Variants in AS3MT observed in about 807,000 individuals in gnomAD.
AS3MT encodes the protein S-adenosyl-L-methionine:arsenic(III) methyltransferase.
A neutral mutation model predicts 45.3 loss-of-function variants in AS3MT; 47 were observed. The ratio of observed to expected loss-of-function variants is 1.04; its 90% CI spans 0.82 to 1.32. AS3MT has a LOEUF of 1.32. Among genes scored for constraint, AS3MT ranks in the 40% most tolerant of loss-of-function variants. AS3MT has a pLI of 0.00. For missense variants in AS3MT, 396 were observed against 451.1 expected, an observed-to-expected ratio of 0.88 and a Z score of 1.11; for synonymous variants, 141 against 152.8, an observed-to-expected ratio of 0.92 and a Z score of 0.57.
chr10:102,888,668 G>T (rs916864805), intron 9 of AS3MT, among the ~76,000 whole-genome samples: 1 of 151,484 alleles, frequency 6.6e-6, no homozygotes, highest in Non-Finnish European at 1.5e-5. Context: ...TGATCCACTC[G>T]CCCTGGCCTA....
intron 9 of AS3MT, among the ~76,000 whole-genome samples, chr10:102,880,345 T>TA (rs1331504842): frequency 6.6e-6 from 1 of 152,186 alleles, no homozygotes; most frequent in Non-Finnish European, 1.5e-5. Context: ...TATTGAAGCA[T>TA]AAATTGTGGT....
At position 102,874,779 on chromosome 10, in the gene AS3MT, A is replaced by G. The variant is rs1189594935; in HGVS notation, c.528+118A>G. On this transcript the variant is annotated intron_variant, in intron 6 of 10. Coordinates refer to ENST00000369880, the MANE Select transcript of AS3MT (RefSeq NM_020682.4). Reference sequence around the variant, plus strand: ...CTCTCTTAATTTATCCATTAAATGAATAAGGGGTGGCAAAAGGGGGAAGGG... The same window carrying G: ...CTCTCTTAATTTATCCATTAAATGAGTAAGGGGTGGCAAAAGGGGGAAGGG... 1.0e-5 allele frequency: 8 copies of G among 786,748 alleles called. No homozygotes were observed. In the African/African-American group the frequency reaches 1.4e-4, roughly 14 times the overall value. 48.7% of individuals were successfully genotyped at this position (786,748 alleles called of 1,614,324 possible).
chr10:102,881,780 T>C lies in AS3MT; in HGVS notation c.885+2789T>C, dbSNP rs1438435414. On this transcript the variant is annotated intron_variant, in intron 9 of 10. Transcript: ENST00000369880. The surrounding 1 kb of genome is among the most constrained non-coding windows in gnomAD (Gnocchi z 4.2). ...AGACAAAGTCTCTCTCTGTCACCCA[T>C]GCTGGAGTGTAGTGGCACAGTCATA... 6.6e-6 allele frequency among the ~76,000 whole-genome samples: 1 copy of C among 152,150 alleles called. No individual in the cohort carries two copies. The highest frequency in any genetic ancestry group is 1.9e-4 in the East Asian group (1 of 5,200).
At chr10:102,878,086 C>T (rs1480005401) in intron 7 of AS3MT, among the ~76,000 whole-genome samples, 2 of 152,046 alleles carry the variant, frequency 1.3e-5, no homozygotes, top group Admixed American at 6.6e-5. Context: ...ATTCACATAA[C>T]AGTGCTTTTC....
chr10:102,895,017 G>A (rs184486658), intron 10 of AS3MT, among the ~76,000 whole-genome samples: 3 of 152,274 alleles, frequency 2.0e-5, no homozygotes, highest in Admixed American at 2.0e-4. Flanking sequence ...CTGTGTCACA[G>A]GCCATTGGTC....
chr10:102,881,126 C>A lies in AS3MT; in HGVS notation c.885+2135C>A, dbSNP rs1200401194. On this transcript the variant is annotated intron_variant, in intron 9 of 10. Coordinates refer to ENST00000369880, the MANE Select transcript of AS3MT (RefSeq NM_020682.4). The surrounding 1 kb of genome is among the most constrained non-coding windows in gnomAD (Gnocchi z 4.2). ...CAAATTCTCATTCTGGGCAGTCATTCGTTTCATCCTATGAATGCCATGGTG... is the reference window on the plus strand; with the variant it reads ...CAAATTCTCATTCTGGGCAGTCATTAGTTTCATCCTATGAATGCCATGGTG... 6.6e-6 allele frequency among the ~76,000 whole-genome samples: 1 copy of A among 152,132 alleles called. No individual in the cohort carries two copies. Among genetic ancestry groups the A allele is most frequent in the East Asian group, 1.9e-4 (1 of 5,198 alleles).
intron 10 of AS3MT, among the ~76,000 whole-genome samples, chr10:102,898,161 G>C (rs764600023): frequency 6.6e-6 from 1 of 151,572 alleles, no homozygotes; most frequent in Admixed American, 6.6e-5. Flanking sequence ...AAACGCTGGA[G>C]TACAGACAGT....
chr10:102,898,748 C>A (rs774945649), intron 10 of AS3MT, among the ~76,000 whole-genome samples: 1 of 152,136 alleles, frequency 6.6e-6, no homozygotes, highest in Non-Finnish European at 1.5e-5. Context: ...GTTTAAGGCA[C>A]CCTGTCATTT....
rs1844862530 is a variant in AS3MT at position 102,881,142 on chromosome 10, T to C, written c.885+2151T>C. Among the ~76,000 whole-genome samples, 1 of 152,214 alleles carries C rather than the reference T, an allele frequency of 6.6e-6. No homozygotes were observed. On this transcript the variant is annotated intron_variant, in intron 9 of 10. Coordinates refer to ENST00000369880, the MANE Select transcript of AS3MT (RefSeq NM_020682.4). This position sits in a 1 kb window ranked among gnomAD's most constrained non-coding sequence, Gnocchi z 4.2. The stretch of plus-strand genomic sequence containing the variant: ...GCAGTCATTCGTTTCATCCTATGAA[T>C]GCCATGGTGAGGGAAACAGTGTAGT...
At chr10:102,891,301 C>T (rs1242941511) in intron 10 of AS3MT, among the ~76,000 whole-genome samples, 4 of 152,202 alleles carry the variant, frequency 2.6e-5, no homozygotes, top group Admixed American at 1.3e-4. Flanking sequence ...GTGGAGTCGG[C>T]GCGGGGAGCC....
At chr10:102,895,897 TC>T (rs1296752660) in intron 10 of AS3MT, among the ~76,000 whole-genome samples, 4 of 152,072 alleles carry the variant, frequency 2.6e-5, no homozygotes, top group Non-Finnish European at 5.9e-5. Flanking sequence ...TGCCTCAGCT[TC>T]CCAAGTAGCT....
chr10:102,894,240 A>G (rs763977765), intron 10 of AS3MT, among the ~76,000 whole-genome samples: 28 of 151,898 alleles, frequency 1.8e-4, no homozygotes, highest in Non-Finnish European at 3.8e-4. Context: ...CCTGGCCAAC[A>G]TAGTGAAACC....
intron 9 of AS3MT, among the ~76,000 whole-genome samples, chr10:102,880,726 A>G (rs560933008): frequency 6.6e-6 from 1 of 152,262 alleles, no homozygotes; most frequent in East Asian, 1.9e-4. Flanking sequence ...CCTCAATGAA[A>G]TTTTCAATCA....
intron 10 of AS3MT, among the ~76,000 whole-genome samples, chr10:102,893,813 T>C (rs1845116639): frequency 6.6e-6 from 1 of 152,026 alleles, no homozygotes; most frequent in African/African-American, 2.4e-5. Context: ...TTCGTATTTT[T>C]AGTAGAGACA....
chr10:102,871,739 A>C (rs1357726919), intron 3 of AS3MT, among the ~76,000 whole-genome samples: 1 of 150,990 alleles, frequency 6.6e-6, no homozygotes, highest in African/African-American at 2.4e-5. Flanking sequence ...AACAAAACAA[A>C]ACAAAACAAA....
rs34410231 is a variant in AS3MT, at chr10:102,900,404, G to A, written c.1021-189G>A. On this transcript the variant is annotated intron_variant, in intron 10 of 10. Transcript: ENST00000369880. ...TTAAGTGAAGTTTACCTTGAAAGTT[G>A]TAATTAGAAGCTTCAGGAAGCAAGT... 7.4e-3 allele frequency among the ~76,000 whole-genome samples: 1,123 copies of A among 152,310 alleles called. 4 individuals are homozygous for A. Among genetic ancestry groups the A allele is most frequent in the Non-Finnish European group, 0.011 (729 of 68,020 alleles).
In AS3MT at chr10:102,890,594, T is replaced by C. The variant is rs375696376; in HGVS notation, c.936T>C (p.Asn312=). ...VDEETAAILK[N]SRFAQDFLIR... is the part of the protein sequence containing the mutation. Reference sequence around the variant, plus strand: ...AAGAAACAGCAGCTATCTTGAAGAATTCAAGATTTGCTCAAGATTTTCTGA... The same window carrying C: ...AAGAAACAGCAGCTATCTTGAAGAACTCAAGATTTGCTCAAGATTTTCTGA... Residue 312 remains asparagine, a synonymous_variant, in exon 10 of 11, where the codon AAT becomes AAC. Coordinates refer to ENST00000369880, the MANE Select transcript of AS3MT (RefSeq NM_020682.4). 5.6e-6 allele frequency: 9 copies of C among 1,612,070 alleles called. No homozygotes were observed. Among genetic ancestry groups the C allele is most frequent in the Non-Finnish European group, 7.6e-6 (9 of 1,179,232 alleles).
chr10:102,883,801 A>T (rs778986556), intron 9 of AS3MT, among the ~76,000 whole-genome samples: 7 of 152,052 alleles, frequency 4.6e-5, no homozygotes, highest in Non-Finnish European at 8.8e-5. Context: ...GCAAATTTTA[A>T]AAATTGTATA....
At chr10:102,896,334 A>G (rs1845171333) in intron 10 of AS3MT, among the ~76,000 whole-genome samples, 1 of 146,830 alleles carries the variant, frequency 6.8e-6, no homozygotes, top group African/African-American at 2.5e-5. Flanking sequence ...CCCTGCCTCA[A>G]AAAAAAAAAA....
Sources: gnomAD v4.1 joint callset for allele counts (sites outside exome capture counted in the v4.1 genomes callset) on GRCh38, gnomAD v4.1.1 for gene constraint, Gnocchi (gnomAD v3.1) non-coding constraint, MANE v1.5 for transcripts, NCBI Gene and HGNC (gene_info 2026-07-23, HGNC 2026-07-21) for gene names.